ENTHD1: variants seen among roughly 807,000 people sequenced by gnomAD.
ENTHD1 encodes the protein ENTH domain-containing protein 1.
In ENTHD1, 23 loss-of-function variants were observed where a neutral mutation model predicts 39.1. That is an observed-to-expected ratio of 0.59 (90% CI 0.42 to 0.83). The LOEUF is 0.83. ENTHD1 is among the 40% of genes least tolerant of loss of function. The pLI, the probability that ENTHD1 is intolerant of heterozygous loss-of-function variation, is 0.00. For synonymous variants in ENTHD1, 230 were observed against 258.2 expected, an observed-to-expected ratio of 0.89 and a Z score of 1.05; for missense variants, 624 against 705.4, an observed-to-expected ratio of 0.88 and a Z score of 1.31.
chr22:39,832,572 G>A (rs2065877259), intron 4 of ENTHD1, among the ~76,000 whole-genome samples: 1 of 152,164 alleles, frequency 6.6e-6, no homozygotes, highest in African/African-American at 2.4e-5. Context: ...TAAAATTAAA[G>A]ATGTGAGTTG....
chr22:39,818,634 T>C lies in ENTHD1; in HGVS notation c.832+2359A>G, dbSNP rs75702964. The stretch of plus-strand genomic sequence containing the variant: ...TTATCCTATTGCCAGTGGAGAACTG[T>C]TGAAAGCTTTTAAGCTGGGAAGTGA... On this transcript the variant is annotated intron_variant, in intron 5 of 6. Transcript: ENST00000325157. Among the ~76,000 whole-genome samples the C allele has an allele frequency of 6.9e-3, 1,047 of 152,298 alleles. 16 individuals are homozygous for C. The highest frequency in any genetic ancestry group is 0.023 in the African/African-American group (965 of 41,564).
intron 3 of ENTHD1, among the ~76,000 whole-genome samples, 197 bp downstream of exon 3, chr22:39,861,568 A>G (rs1239464819): frequency 1.3e-5 from 2 of 152,062 alleles, no homozygotes. Context: ...AAATAAAGCA[A>G]ACAAATAAAC....
chr22:39,785,671 A>G (rs992902779), intron 5 of ENTHD1, among the ~76,000 whole-genome samples: 1 of 150,314 alleles, frequency 6.7e-6, no homozygotes, highest in African/African-American at 2.5e-5. Context: ...AAGGCCCCTA[A>G]CCTCCCAGTC....
At chr22:39,776,006 C>T (rs2065362815) in intron 5 of ENTHD1, among the ~76,000 whole-genome samples, 1 of 152,090 alleles carries the variant, frequency 6.6e-6, no homozygotes, top group African/African-American at 2.4e-5. Flanking sequence ...CCCACCTCAG[C>T]CTCCCAAGTA....
At chr22:39,798,046 C>T (rs1293614188) in intron 5 of ENTHD1, among the ~76,000 whole-genome samples, 1 of 152,030 alleles carries the variant, frequency 6.6e-6, no homozygotes, top group East Asian at 1.9e-4. Context: ...GTCTCTTCAC[C>T]TTCTTGAACA....
chr22:39,837,802 C>T (rs1333909040), intron 3 of ENTHD1, among the ~76,000 whole-genome samples: 2 of 152,170 alleles, frequency 1.3e-5, no homozygotes, highest in Admixed American at 1.3e-4. Context: ...CCATATGTCA[C>T]CAATGCAACA....
At chr22:39,873,069 C>A (rs918834924) in intron 2 of ENTHD1, among the ~76,000 whole-genome samples, 4 of 151,922 alleles carry the variant, frequency 2.6e-5, no homozygotes, top group Non-Finnish European at 5.9e-5. Flanking sequence ...AGGAAATCCT[C>A]CCACAGTGCT....
At chr22:39,796,062 A>G (rs2065546692) in intron 5 of ENTHD1, among the ~76,000 whole-genome samples, 1 of 151,576 alleles carries the variant, frequency 6.6e-6, no homozygotes, top group African/African-American at 2.4e-5. Flanking sequence ...TCTCTATTTC[A>G]TTTAGTTCTG....
chr22:39,803,694 T>C (rs780148833), intron 5 of ENTHD1, among the ~76,000 whole-genome samples: 1 of 152,190 alleles, frequency 6.6e-6, no homozygotes, highest in Non-Finnish European at 1.5e-5. Flanking sequence ...TTGAACAATG[T>C]CTGGGTTTTG....
intron 5 of ENTHD1, among the ~76,000 whole-genome samples, chr22:39,796,185 G>A (rs545456536): frequency 6.6e-6 from 1 of 152,062 alleles, no homozygotes; most frequent in East Asian, 1.9e-4. Context: ...TGATATAGGT[G>A]TTTACTGCTA....
chr22:39,774,183 G>A (rs2065349592), intron 5 of ENTHD1, among the ~76,000 whole-genome samples: 1 of 152,128 alleles, frequency 6.6e-6, no homozygotes, highest in African/African-American at 2.4e-5. Context: ...AACGAACTTT[G>A]CTGGCTCTCC....
chr22:39,792,508 C>T (rs778836561), intron 5 of ENTHD1, among the ~76,000 whole-genome samples: 28 of 150,612 alleles, frequency 1.9e-4, no homozygotes, highest in Admixed American at 1.3e-4. Context: ...TTATCTTAAG[C>T]CTTATGATCA....
intron 2 of ENTHD1, among the ~76,000 whole-genome samples, chr22:39,870,287 G>A (rs1038567268): frequency 3.9e-5 from 6 of 152,004 alleles, no homozygotes; most frequent in African/African-American, 1.4e-4. Context: ...GGGATTACAG[G>A]TATGAGCCAC....
intron 3 of ENTHD1, among the ~76,000 whole-genome samples, chr22:39,843,619 A>G (rs2065964064): frequency 6.8e-6 from 1 of 146,756 alleles, no homozygotes; most frequent in South Asian, 2.1e-4. Flanking sequence ...ATAATAAAAG[A>G]AAAAAAAAAA....
chr22:39,875,202 G>A (rs2066277804), intron 2 of ENTHD1: 1 of 805,010 alleles, frequency 1.2e-6, no homozygotes, highest in Non-Finnish European at 1.6e-6. Context: ...ATTATGTTGA[G>A]AGAAGCCAGA....
At chr22:39,812,395 G>A (rs1254465951) in intron 5 of ENTHD1, among the ~76,000 whole-genome samples, 1 of 152,134 alleles carries the variant, frequency 6.6e-6, no homozygotes, top group Non-Finnish European at 1.5e-5. Context: ...GGTATTGGCC[G>A]GGGACTTAGA....
intron 6 of ENTHD1, among the ~76,000 whole-genome samples, chr22:39,746,568 T>C (rs2065107100): frequency 6.6e-6 from 1 of 152,218 alleles, no homozygotes; most frequent in Non-Finnish European, 1.5e-5. Flanking sequence ...GAAAGGAACG[T>C]TGAGTGTGTG....
intron 2 of ENTHD1, among the ~76,000 whole-genome samples, chr22:39,862,688 T>G (rs1299298445): frequency 6.6e-6 from 1 of 151,832 alleles, no homozygotes; most frequent in African/African-American, 2.4e-5. Context: ...AGATTTAGAG[T>G]AACATACACA....
At chr22:39,841,998 C>T (rs958722855) in intron 3 of ENTHD1, among the ~76,000 whole-genome samples, 1 of 151,496 alleles carries the variant, frequency 6.6e-6, no homozygotes, top group Admixed American at 6.6e-5. Flanking sequence ...ACTTATGAAG[C>T]TTAGTTTGGC....
Sources: allele counts gnomAD v4.1 joint callset (sites outside exome capture counted in the v4.1 genomes callset), GRCh38; gene constraint gnomAD v4.1.1; transcripts MANE v1.5; gene names NCBI Gene and HGNC (gene_info 2026-07-23, HGNC 2026-07-21).